Variants in PI4KB observed in about 807,000 individuals in gnomAD.
The protein encoded by PI4KB is PtdIns 4-kinase beta.
In PI4KB, 23 loss-of-function variants were observed where a neutral mutation model predicts 81.4. That is an observed-to-expected ratio of 0.28 (90% CI 0.20 to 0.40). The LOEUF is 0.40. Among genes scored for constraint, PI4KB ranks in the 10% least tolerant of loss-of-function variants. PI4KB has a pLI of 1.00. For missense variants in PI4KB, 651 were observed against 1,036.6 expected, an observed-to-expected ratio of 0.63 and a Z score of 5.11; for synonymous variants, 381 against 406.8, an observed-to-expected ratio of 0.94 and a Z score of 0.76.
intron 9 of PI4KB, among the ~76,000 whole-genome samples, chr1:151,297,944 G>C (rs117518417): frequency 6.6e-6 from 1 of 152,204 alleles, no homozygotes. Flanking sequence ...CGAGGGTCTA[G>C]AGCTGGAACT....
intron 3 of PI4KB, among the ~76,000 whole-genome samples, chr1:151,308,828 C>A (rs1695991376): frequency 1.3e-5 from 2 of 152,208 alleles, no homozygotes; most frequent in African/African-American, 4.8e-5. Flanking sequence ...CAGCATTTGA[C>A]TCACCAAGCC....
intron 11 of PI4KB, chr1:151,293,341 C>T: frequency 7.3e-7 from 1 of 1,360,562 alleles, no homozygotes; most frequent in Non-Finnish European, 9.7e-7. Context: ...AGGGAGTGGG[C>T]CCTGAGCTGG....
Position 151,315,584 on chromosome 1 carries a change from T to C in PI4KB, c.898A>G (p.Asn300Asp). Residue 300 changes from asparagine (N) to aspartate (D), a missense_variant, in exon 2 of 12, where the codon AAT (asparagine) becomes GAT (aspartate). By Grantham distance (23) the Asn-to-Asp change is conservative. Transcript: ENST00000368873. ...KRTASNPKVE[N>D]EDEELSSSTE... ...CCCCAGAATTTTACCTCATCCTCATTCTCCACTTTAGGGTTGCTGGCTGTT... is the reference window on the plus strand; with the variant it reads ...CCCCAGAATTTTACCTCATCCTCATCCTCCACTTTAGGGTTGCTGGCTGTT... The C allele has an allele frequency of 6.2e-7, 1 of 1,613,542 alleles. No homozygotes were observed. The highest frequency in any genetic ancestry group is 1.3e-5 in the African/African-American group (1 of 74,998).
chr1:151,321,603 G>A (rs1235611518), intron 1 of PI4KB, among the ~76,000 whole-genome samples: 2 of 151,952 alleles, frequency 1.3e-5, no homozygotes, highest in African/African-American at 4.8e-5. Context: ...GCAGGGCATG[G>A]TGGCTCACGC....
At chr1:151,326,187 C>T (rs752467460) in intron 1 of PI4KB, 1 of 1,612,460 alleles carries the variant, frequency 6.2e-7, no homozygotes. Flanking sequence ...CATTCAATTT[C>T]CACGCAGGCC....
Position 151,303,597 on chromosome 1 carries a change from G to A in PI4KB, c.1464C>T (p.Asp488=), listed in dbSNP as rs1217449045. 2.5e-6 allele frequency: 4 copies of A among 1,613,946 alleles called. No homozygotes were observed. The highest frequency in any genetic ancestry group is 1.3e-5 in the African/African-American group (1 of 74,906). The change falls in exon 6 of 12, where the codon GAC becomes GAT. Residue 488 remains aspartate (D), a synonymous_variant. Transcript: ENST00000368873. ...SCDNISQFSV[D]SITSQESKEP... is the part of the protein sequence containing the mutation. Reference sequence around the variant, plus strand: ...CCTTGCTCTCCTGGCTGGTGATGCTGTCCACAGAGAACTGGGAGATGTTGT... The same window carrying A: ...CCTTGCTCTCCTGGCTGGTGATGCTATCCACAGAGAACTGGGAGATGTTGT...
intron 1 of PI4KB, chr1:151,326,303 AC>A: frequency 1.1e-6 from 1 of 926,142 alleles, no homozygotes; most frequent in Non-Finnish European, 1.7e-6. Flanking sequence ...TCTGTCCTGA[AC>A]GGCCTGAGGC....
intron 1 of PI4KB, 72 bp from the exon 2 acceptor site, chr1:151,316,581 C>G: frequency 9.2e-7 from 1 of 1,090,432 alleles, no homozygotes; most frequent in Non-Finnish European, 1.3e-6. Flanking sequence ...GTGCCATCCT[C>G]AGATCTTCCC....
intron 5 of PI4KB, 130 bp from the exon 6 acceptor site, chr1:151,303,780 T>A (rs966347074): frequency 1.9e-5 from 13 of 683,150 alleles, no homozygotes; most frequent in Non-Finnish European, 3.5e-5. Flanking sequence ...CCATGTTGGT[T>A]ACTGGGACCC....
chr1:151,292,787 C>T lies in PI4KB; in HGVS notation c.*65G>A. On this transcript the variant is annotated 3_prime_UTR_variant, in exon 12 of 12. Transcript: ENST00000368873. ...GGTGGGGTTTCCTGGTTTGGGGTTTCTCAGACAAGGGCCCTCTAGGGAGGG... is the reference window on the plus strand; with the variant it reads ...GGTGGGGTTTCCTGGTTTGGGGTTTTTCAGACAAGGGCCCTCTAGGGAGGG... The T allele has an allele frequency of 3.4e-6, 5 of 1,480,174 alleles. No individual in the cohort carries two copies. Among genetic ancestry groups the T allele is most frequent in the Non-Finnish European group, 3.7e-6 (4 of 1,086,460 alleles). 91.7% of individuals were successfully genotyped at this position (1,480,174 alleles called of 1,614,324 possible).
chr1:151,307,124 C>T (rs1378273582), intron 4 of PI4KB, among the ~76,000 whole-genome samples: 6 of 152,080 alleles, frequency 3.9e-5, no homozygotes, highest in Non-Finnish European at 7.4e-5. Flanking sequence ...AGTCAGCACA[C>T]AAATTCAGCT....
rs772686673 is a variant in PI4KB, at chr1:151,301,839, C to G, written c.1749+5G>C. On this transcript the variant is annotated splice_donor_5th_base_variant and intron_variant, in intron 8 of 11. Coordinates refer to ENST00000368873, the MANE Select transcript of PI4KB (RefSeq NM_001369623.2). ...TGTGCCTGGCCTCTCCTTCTCTTCT[C>G]TTACCTGCAGTTGCTTCAACACCTG... 9 of 1,613,686 alleles carry G rather than the reference C, an allele frequency of 5.6e-6. No homozygotes were observed. Among genetic ancestry groups the G allele is most frequent in the Non-Finnish European group, 7.6e-6 (9 of 1,179,900 alleles).
rs1251336542 is a variant in PI4KB, at chr1:151,292,218, AG to A, written c.*633del. 4.6e-5 allele frequency: 7 copies of A among 152,422 alleles called. No homozygotes were observed. Among genetic ancestry groups the A allele is most frequent in the Admixed American group, 3.9e-4 (6 of 15,270 alleles). The allele number at this position is 152,422 out of a possible 1,614,324, so 9.4% of individuals were successfully genotyped here. ...CTGGGTTTGGGGAAGGAGTCAGGGT[AG>A]GGAATTCCACATGGCTAGGCCAGTA... is the stretch of plus-strand genomic sequence containing the variant. On this transcript the variant is annotated 3_prime_UTR_variant, in exon 12 of 12. Transcript: ENST00000368873.
At chr1:151,294,186 G>A (rs1694596830) in intron 10 of PI4KB, 48 bp from the exon 11 acceptor site, 14 of 1,586,052 alleles carry the variant, frequency 8.8e-6, no homozygotes, top group Non-Finnish European at 1.2e-5. Context: ...TTACACCGGG[G>A]ATGGTCCCTG....
chr1:151,317,557 C>A (rs921547721), intron 1 of PI4KB, among the ~76,000 whole-genome samples: 2 of 152,030 alleles, frequency 1.3e-5, no homozygotes, highest in African/African-American at 2.4e-5. Context: ...CTCAAGCAAT[C>A]CTCCCTCCTC....
At chr1:151,326,149 T>C in intron 1 of PI4KB, 1 of 1,611,558 alleles carries the variant, frequency 6.2e-7, no homozygotes, top group Non-Finnish European at 8.5e-7. Context: ...TAAAATTAAA[T>C]AATCTGAAAC....
At chr1:151,306,039 T>TA in intron 5 of PI4KB, 97 bp downstream of exon 5, 1 of 974,552 alleles carries the variant, frequency 1.0e-6, no homozygotes, top group Non-Finnish European at 1.6e-6. Flanking sequence ...ATACTTGCCT[T>TA]ACCCTGCCTT....
intron 2 of PI4KB, among the ~76,000 whole-genome samples, chr1:151,314,252 G>C (rs587677298): frequency 6.6e-6 from 1 of 152,264 alleles, no homozygotes; most frequent in African/African-American, 2.4e-5. Flanking sequence ...ATAGCTATCC[G>C]CATTTTTCAA....
In PI4KB at chr1:151,316,207, T is replaced by A. The variant is rs201031914; in HGVS notation, c.275A>T (p.Asp92Val). 2 of 1,614,050 alleles carry A rather than the reference T, an allele frequency of 1.2e-6. No individual in the cohort carries two copies. Among genetic ancestry groups the A allele is most frequent in the East Asian group, 2.2e-5 (1 of 44,868 alleles). ...GVDSEIRCLD[D>V]PPAQIREEED... is the part of the protein sequence containing the mutation. ...CTCCTCCCTGATCTGGGCAGGTGGA[T>A]CATCTAGGCAACGGATCTCACTGTC... Residue 92 changes from aspartate (D) to valine (V), a missense_variant, in exon 2 of 12, where the codon GAT becomes GTT. Coordinates refer to ENST00000368873, the MANE Select transcript of PI4KB (RefSeq NM_001369623.2).
Sources: allele counts gnomAD v4.1 joint callset (sites outside exome capture counted in the v4.1 genomes callset), GRCh38; gene constraint gnomAD v4.1.1; transcripts MANE v1.5; gene names NCBI Gene and HGNC (gene_info 2026-07-23, HGNC 2026-07-21).